Variants in MYCBP2 observed in about 807,000 individuals in gnomAD.
The protein encoded by MYCBP2 is E3 ubiquitin-protein ligase MYCBP2.
MYCBP2 carries 120 observed loss-of-function variants against 525.3 expected under a neutral mutation model. The observed-to-expected ratio is 0.23, with a 90% confidence interval of 0.20 to 0.27. The LOEUF is 0.27. Ranked by LOEUF, MYCBP2 falls within the 10% of genes least tolerant of loss-of-function variation. MYCBP2 has a pLI of 1.00. For missense variants in MYCBP2, 4,149 were observed against 5,657.1 expected (o/e 0.73, Z 8.55); for synonymous variants, 1,894 against 1,955.8 (o/e 0.97, Z 0.83).
intron 37 of MYCBP2, among the ~76,000 whole-genome samples, chr13:77,172,799 A>T (rs2059271159): frequency 6.6e-6 from 1 of 152,218 alleles, no homozygotes; most frequent in African/African-American, 2.4e-5. Flanking sequence ...TATAACGAAC[A>T]TCCTTAAAGA....
At chr13:77,264,094 C>T (rs1203389173) in intron 8 of MYCBP2, 92 bp from the exon 9 acceptor site, 1 of 932,272 alleles carries the variant, frequency 1.1e-6, no homozygotes, top group Non-Finnish European at 1.6e-6. Context: ...TGAGAGTTCT[C>T]CACGCAATAA....
chr13:77,078,277 G>A (rs1317020196), intron 66 of MYCBP2, among the ~76,000 whole-genome samples: 3 of 152,180 alleles, frequency 2.0e-5, no homozygotes, highest in Non-Finnish European at 4.4e-5. Context: ...AACTTTTTGT[G>A]AGATAAAGTA....
At chr13:77,087,699 A>T (rs2044576315) in intron 61 of MYCBP2, 66 bp from the exon 62 acceptor site, 3 of 1,362,780 alleles carry the variant, frequency 2.2e-6, no homozygotes, top group Non-Finnish European at 1.0e-6. Flanking sequence ...ACTCAGAAAT[A>T]AAGTACCTCC....
Position 77,045,130 on chromosome 13 carries a change from G to A in MYCBP2, c.*248C>T, listed in dbSNP as rs2035308178. The stretch of plus-strand genomic sequence containing the variant: ...TGCTTCACAGGCCAATGACGGTAAT[G>A]GCCACATGCAAACACCTCACAAGTT... On this transcript the variant is annotated 3_prime_UTR_variant, in exon 83 of 83. Coordinates refer to ENST00000544440, the MANE Select transcript of MYCBP2 (RefSeq NM_015057.5). 2.2e-6 allele frequency: 1 copy of A among 448,874 alleles called. No homozygotes were observed. Among genetic ancestry groups the A allele is most frequent in the African/African-American group, 2.0e-5 (1 of 50,270 alleles). 27.8% of individuals were successfully genotyped at this position (448,874 alleles called of 1,614,324 possible). A position where few individuals can be genotyped will look rare whatever the true frequency, so the allele number is the denominator to read the frequency against.
chr13:77,181,933 CA>C lies in MYCBP2; in HGVS notation c.4720-12del. 6.2e-7 allele frequency: 1 copy of C among 1,608,562 alleles called. No homozygotes were observed. The stretch of plus-strand genomic sequence containing the variant: ...TGCTTCTTGGATATCCTTTTAAAAA[CA>C]AAAATATGGCCCCCCAACCAAAAAA... On this transcript the variant is annotated splice_polypyrimidine_tract_variant and intron_variant, in intron 32 of 82. Transcript: ENST00000544440.
At chr13:77,072,187 A>T (rs979343036) in intron 68 of MYCBP2, among the ~76,000 whole-genome samples, 10 of 151,246 alleles carry the variant, frequency 6.6e-5, no homozygotes, top group African/African-American at 2.2e-4. Flanking sequence ...GCTACTTGGG[A>T]GGCTGAGGCA....
At chr13:77,147,327 T>C (rs1023069578) in intron 47 of MYCBP2, among the ~76,000 whole-genome samples, 1 of 152,002 alleles carries the variant, frequency 6.6e-6, no homozygotes, top group African/African-American at 2.4e-5. Context: ...AGCAATCTGT[T>C]TCTTAATAAA....
intron 54 of MYCBP2, among the ~76,000 whole-genome samples, chr13:77,122,931 A>G (rs2051008286): frequency 6.6e-6 from 1 of 152,166 alleles, no homozygotes; most frequent in Non-Finnish European, 1.5e-5. Context: ...TCAGAAAAAC[A>G]CCCATGAACA....
chr13:77,196,021 G>A (rs1017419830), intron 26 of MYCBP2, among the ~76,000 whole-genome samples: 7 of 152,178 alleles, frequency 4.6e-5, no homozygotes, highest in Non-Finnish European at 1.0e-4. Flanking sequence ...TCAAAGAATT[G>A]GGGGCTATTG....
intron 1 of MYCBP2, among the ~76,000 whole-genome samples, chr13:77,299,874 A>T (rs1178852061): frequency 6.6e-6 from 1 of 152,210 alleles, no homozygotes; most frequent in Non-Finnish European, 1.5e-5. Context: ...TTAAATATTT[A>T]TCTTAAAATA....
intron 14 of MYCBP2, among the ~76,000 whole-genome samples, chr13:77,254,450 T>C (rs2071799428): frequency 6.6e-6 from 1 of 151,886 alleles, no homozygotes; most frequent in African/African-American, 2.4e-5. Flanking sequence ...TGTTCTGTAC[T>C]TTCCTGGTTT....
intron 55 of MYCBP2, among the ~76,000 whole-genome samples, chr13:77,114,955 T>G (rs183087997): frequency 6.6e-6 from 1 of 152,006 alleles, no homozygotes; most frequent in Non-Finnish European, 1.5e-5. Flanking sequence ...GTTTTTCAGT[T>G]GGATAATCTT....
At position 77,051,814 on chromosome 13, in the gene MYCBP2, A is replaced by G. The variant is rs2036879728; in HGVS notation, c.13752T>C (p.Ala4584=). The G allele has an allele frequency of 4.3e-6, 7 of 1,612,204 alleles. No homozygotes were observed. The highest frequency in any genetic ancestry group is 5.9e-6 in the Non-Finnish European group (7 of 1,178,616). ...ICGACSDVSR[A]QMCPKHGTDF... is the part of the protein sequence containing the mutation. ...TCTAATAAAATGTTCTGCCTACCTG[A>G]GCCCTGGAAACATCAGAACAGGCAC... The change falls in exon 81 of 83, where the codon GCT becomes GCC. Residue 4584 remains alanine, a synonymous_variant. Transcript: ENST00000544440.
At chr13:77,319,113 T>G (rs903928581) in intron 1 of MYCBP2, among the ~76,000 whole-genome samples, 16 of 152,082 alleles carry the variant, frequency 1.1e-4, no homozygotes, top group Non-Finnish European at 2.4e-4. Context: ...TGGGAACGTG[T>G]GTGTGTGTGT....
chr13:77,210,087 T>A (rs994960174), intron 23 of MYCBP2, among the ~76,000 whole-genome samples: 1 of 152,196 alleles, frequency 6.6e-6, no homozygotes, highest in African/African-American at 2.4e-5. Context: ...AGCCCTGTGA[T>A]GAGCCACTGT....
chr13:77,220,127 G>A (rs761916188), intron 20 of MYCBP2, among the ~76,000 whole-genome samples: 6 of 152,010 alleles, frequency 3.9e-5, no homozygotes, highest in African/African-American at 9.7e-5. Flanking sequence ...TCATGTTTGC[G>A]GTTTTATCAT....
chr13:77,128,245 T>C (rs1285886887), intron 52 of MYCBP2, among the ~76,000 whole-genome samples: 1 of 151,904 alleles, frequency 6.6e-6, no homozygotes, highest in Non-Finnish European at 1.5e-5. Context: ...AAATGTCTGT[T>C]TGTAAATGGT....
chr13:77,304,762 C>A (rs984461445), intron 1 of MYCBP2, among the ~76,000 whole-genome samples: 4 of 151,564 alleles, frequency 2.6e-5, no homozygotes, highest in African/African-American at 9.7e-5. Context: ...AAATATATAG[C>A]AAATATTTTA....
In MYCBP2 at chr13:77,125,464, G is replaced by C. The variant is rs1190700045; in HGVS notation, c.7889C>G (p.Thr2630Ser). Residue 2630 changes from threonine (T) to serine (S), a missense_variant, in exon 54 of 83, where the codon ACC becomes AGC. By Grantham distance (58) the Thr-to-Ser change is moderately conservative. This residue lies in a region of MYCBP2 where 653 missense variants were observed against 744.7 expected (regional missense o/e 0.88). Coordinates refer to ENST00000544440, the MANE Select transcript of MYCBP2 (RefSeq NM_015057.5). ...TTGCACCCATGTCCCTTCAGAATTG[G>C]TTACCTGGTACATAACAAAAAGCAT... ...GNKVKAVGEV[T>S]NSEGTWVQLD... The C allele has an allele frequency of 6.2e-7, 1 of 1,612,992 alleles. No individual in the cohort carries two copies. Among genetic ancestry groups the C allele is most frequent in the Non-Finnish European group, 8.5e-7 (1 of 1,179,578 alleles).
Sources: allele counts gnomAD v4.1 joint callset (sites outside exome capture counted in the v4.1 genomes callset), GRCh38; gene constraint gnomAD v4.1.1; regional missense constraint gnomAD v4.1.1; transcripts MANE v1.5; gene names NCBI Gene and HGNC (gene_info 2026-07-23, HGNC 2026-07-21).